The following DLEU7 variants were observed in gnomAD, a reference collection of about 807,000 sequenced individuals.
The protein encoded by DLEU7 is leukemia-associated protein 7.
In DLEU7, 17 loss-of-function variants were observed where a neutral mutation model predicts 16.0. That is an observed-to-expected ratio of 1.06 (90% CI 0.73 to 1.59). The LOEUF is 1.59. Among genes scored for constraint, DLEU7 ranks in the 40% most tolerant of loss-of-function variants. The pLI, the probability that DLEU7 is intolerant of heterozygous loss-of-function variation, is 0.00. For synonymous variants in DLEU7, 113 were observed against 139.8 expected, an observed-to-expected ratio of 0.81 and a Z score of 1.35; for missense variants, 308 against 314.9, an observed-to-expected ratio of 0.98 and a Z score of 0.17.
chr13:50,816,080 C>T (rs555624805), intron 1 of DLEU7, among the ~76,000 whole-genome samples: 5 of 152,218 alleles, frequency 3.3e-5, no homozygotes, highest in African/African-American at 1.2e-4. Flanking sequence ...AATCTCATCT[C>T]AGCCCCTCTC....
intron 1 of DLEU7, among the ~76,000 whole-genome samples, chr13:50,766,782 C>T (rs943884052): frequency 1.1e-4 from 16 of 152,112 alleles, no homozygotes; most frequent in East Asian, 3.9e-4. Context: ...GCCTAAGACT[C>T]GACACACTTG....
intron 1 of DLEU7, chr13:50,808,717 G>T (rs1469944661): frequency 6.6e-6 from 1 of 152,138 alleles, no homozygotes; most frequent in African/African-American, 2.4e-5. Flanking sequence ...GTGAGTAGGG[G>T]TGGAAAGGAT....
chr13:50,803,240 G>A (rs1262648034), intron 1 of DLEU7, among the ~76,000 whole-genome samples: 2 of 152,236 alleles, frequency 1.3e-5, no homozygotes, highest in South Asian at 2.1e-4. Context: ...TGTGTGAAAC[G>A]ACTCACTCTC....
chr13:50,794,197 G>A (rs940904841), intron 1 of DLEU7, among the ~76,000 whole-genome samples: 4 of 152,198 alleles, frequency 2.6e-5, no homozygotes, highest in African/African-American at 9.6e-5. Context: ...GCTCAACGAT[G>A]CCCAGCCAAG....
At chr13:50,836,963 G>T (rs998303824) in intron 1 of DLEU7, among the ~76,000 whole-genome samples, 5 of 152,132 alleles carry the variant, frequency 3.3e-5, no homozygotes, top group African/African-American at 9.7e-5. Context: ...AACTTCATTT[G>T]GTTCATCAAC....
chr13:50,723,795 T>C (rs1278333469), intron 1 of DLEU7, among the ~76,000 whole-genome samples: 1 of 151,926 alleles, frequency 6.6e-6, no homozygotes, highest in Non-Finnish European at 1.5e-5. Flanking sequence ...TGAATCTTTC[T>C]GGGGTGCAGT....
chr13:50,715,938 C>T (rs1196898476), intron 1 of DLEU7, among the ~76,000 whole-genome samples: 1 of 152,240 alleles, frequency 6.6e-6, no homozygotes, highest in Non-Finnish European at 1.5e-5. Context: ...CCTGCAGCTC[C>T]CTGCCACCTG....
At chr13:50,817,952 C>G (rs1876785471), downstream of DLEU7, among the ~76,000 whole-genome samples, 1 of 152,076 alleles carries the variant, frequency 6.6e-6, no homozygotes, top group African/African-American at 2.4e-5. Flanking sequence ...GTATCCAGCT[C>G]TAACTAAAAG....
At chr13:50,769,812 A>G (rs971796969) in intron 1 of DLEU7, among the ~76,000 whole-genome samples, 2 of 152,148 alleles carry the variant, frequency 1.3e-5, no homozygotes, top group South Asian at 2.1e-4. Flanking sequence ...GTTTTTTCCA[A>G]TTCCGTGAAG....
intron 1 of DLEU7, among the ~76,000 whole-genome samples, chr13:50,790,297 TTAAAAATAAAAA>T (rs761357589): frequency 6.6e-6 from 1 of 152,122 alleles, no homozygotes; most frequent in East Asian, 1.9e-4. Context: ...CTTTCTTTTG[TTAAAAATAAAAA>T]TAAAAATAAA....
intron 1 of DLEU7, among the ~76,000 whole-genome samples, chr13:50,777,848 C>G (rs1001550192): frequency 3.4e-4 from 52 of 152,186 alleles, no homozygotes; most frequent in Non-Finnish European, 6.8e-4. Flanking sequence ...CCTCACCTTT[C>G]TAACCTTTTT....
At chr13:50,794,111 A>G (rs1391836053) in intron 1 of DLEU7, among the ~76,000 whole-genome samples, 3 of 152,084 alleles carry the variant, frequency 2.0e-5, no homozygotes, top group Non-Finnish European at 4.4e-5. Context: ...TAAGTATTTG[A>G]AATCATCTAG....
Position 50,843,205 on chromosome 13 carries a change from A to G in DLEU7, c.442T>C (p.Phe148Leu). 2.5e-6 allele frequency: 4 copies of G among 1,593,616 alleles called. No individual in the cohort carries two copies. Among genetic ancestry groups the G allele is most frequent in the Non-Finnish European group, 3.4e-6 (4 of 1,170,982 alleles). The change falls in exon 1 of 2, where the codon TTT (phenylalanine) becomes CTT (leucine). Residue 148 changes from phenylalanine (F) to leucine (L), a missense_variant. Coordinates refer to ENST00000504404, the MANE Select transcript of DLEU7 (RefSeq NM_001306135.2). The surrounding 1 kb of genome is among the most constrained non-coding windows in gnomAD (Gnocchi z 5.7). ...LLGPLQQERS[F>L]PIHLKDSVEF... ...AGACTCACCTTCAGGTGAATGGGAA[A>G]GGACCGCTCCTGCTGGAGGGGCCCC...
intron 1 of DLEU7, among the ~76,000 whole-genome samples, chr13:50,790,386 A>G (rs950548655): frequency 6.6e-6 from 1 of 151,994 alleles, no homozygotes; most frequent in African/African-American, 2.4e-5. Context: ...ATCCTTTTAT[A>G]TTTTTTTCAT....
At chr13:50,816,096 T>C (rs1377380632) in intron 1 of DLEU7, among the ~76,000 whole-genome samples, 1 of 152,104 alleles carries the variant, frequency 6.6e-6, no homozygotes, top group Non-Finnish European at 1.5e-5. Context: ...CTCTCTGTCT[T>C]GGGCCACATT....
intron 1 of DLEU7, among the ~76,000 whole-genome samples, chr13:50,732,998 C>G (rs578159241): frequency 2.6e-5 from 4 of 152,330 alleles, no homozygotes; most frequent in Admixed American, 1.3e-4. Flanking sequence ...CTTACTGCTG[C>G]TTAATCTGCT....
Position 50,843,182 on chromosome 13 carries a change from A to T in DLEU7, c.459+6T>A. ...CGCCAGAGGGGATGGCGGGGGCCAGACTCACCTTCAGGTGAATGGGAAAGG... is the reference window on the plus strand; with the variant it reads ...CGCCAGAGGGGATGGCGGGGGCCAGTCTCACCTTCAGGTGAATGGGAAAGG... On this transcript the variant is annotated splice_donor_region_variant and intron_variant, in intron 1 of 1. Coordinates refer to ENST00000504404, the MANE Select transcript of DLEU7 (RefSeq NM_001306135.2). The surrounding 1 kb of genome is among the most constrained non-coding windows in gnomAD (Gnocchi z 5.7). 6.3e-7 allele frequency: 1 copy of T among 1,587,816 alleles called. No individual in the cohort carries two copies.
intron 1 of DLEU7, among the ~76,000 whole-genome samples, chr13:50,807,508 T>G (rs9535490): frequency 0.17 from 24,245 of 144,352 alleles, 3,354 homozygotes; most frequent in African/African-American, 0.4. Context: ...TTTTTGGTGT[T>G]TTTTTTTTTA....
intron 1 of DLEU7, among the ~76,000 whole-genome samples, chr13:50,769,757 C>A (rs1420891021): frequency 6.6e-6 from 1 of 152,182 alleles, no homozygotes. Flanking sequence ...TTAGGATTGA[C>A]TTAGCAATGC....
Sources: gnomAD v4.1 joint callset for allele counts (sites outside exome capture counted in the v4.1 genomes callset) on GRCh38, gnomAD v4.1.1 for gene constraint, Gnocchi (gnomAD v3.1) non-coding constraint, MANE v1.5 for transcripts, NCBI Gene and HGNC (gene_info 2026-07-23, HGNC 2026-07-21) for gene names.